Variants in TNNT3 observed in about 807,000 individuals in gnomAD.
TNNT3 encodes troponin T3, fast skeletal type, also known as troponin T, fast skeletal muscle.
A neutral mutation model predicts 54.2 loss-of-function variants in TNNT3; 36 were observed. The ratio of observed to expected loss-of-function variants is 0.66; its 90% CI spans 0.51 to 0.88. The LOEUF is 0.88. TNNT3 is among the 40% of genes least tolerant of loss of function. The pLI, the probability that TNNT3 is intolerant of heterozygous loss-of-function variation, is 0.00. For missense variants in TNNT3, 291 were observed against 331.6 expected (o/e 0.88, Z 0.95); for synonymous variants, 120 against 109.7 (o/e 1.09, Z -0.59).
chr11:1,938,698 C>A lies in TNNT3; in HGVS notation c.*206C>A, dbSNP rs1291438204. 1.5e-6 allele frequency: 1 copy of A among 679,504 alleles called. No individual in the cohort carries two copies. Among genetic ancestry groups the A allele is most frequent in the Admixed American group, 2.1e-5 (1 of 48,702 alleles). The allele number at this position is 679,504 out of a possible 1,614,324, so 42.1% of individuals were successfully genotyped here. ...GGGGCCTGTGAATAAAGCTGCAGAA[C>A]CCCCTTCACAGTCTGTACTTGCTTC... is the stretch of plus-strand genomic sequence containing the variant. On this transcript the variant is annotated 3_prime_UTR_variant, in exon 16 of 16. Coordinates refer to ENST00000278317, the MANE Select transcript of TNNT3 (RefSeq NM_006757.4).
In TNNT3 at chr11:1,936,070, C is replaced by T. The variant is rs140358737; in HGVS notation, c.682-893C>T. 5.5e-4 allele frequency: 461 copies of T among 844,658 alleles called. 3 individuals are homozygous for T. In the African/African-American group the frequency reaches 6.5e-3, roughly 12 times the overall value. The allele number at this position is 844,658 out of a possible 1,614,324, so 52.3% of individuals were successfully genotyped here. Reference sequence around the variant, plus strand: ...GTGTTCCCAGAGCTGAATCAGGGACCCACTGGCTTTGGATAGATGCGGCCA... The same window carrying T: ...GTGTTCCCAGAGCTGAATCAGGGACTCACTGGCTTTGGATAGATGCGGCCA... On this transcript the variant is annotated intron_variant, in intron 14 of 15. Coordinates refer to ENST00000278317, the MANE Select transcript of TNNT3 (RefSeq NM_006757.4).
At chr11:1,926,748 G>A (rs756410221) in intron 6 of TNNT3, 39 bp downstream of exon 6, 20 of 1,612,508 alleles carry the variant, frequency 1.2e-5, no homozygotes, top group Admixed American at 1.7e-5. Context: ...CAGAGTCTCC[G>A]TCCTCCCTTC....
intron 5 of TNNT3, 102 bp downstream of exon 5, chr11:1,925,218 C>T (rs1355148310): frequency 6.2e-7 from 1 of 1,607,492 alleles, no homozygotes; most frequent in South Asian, 1.1e-5. Context: ...CTGTGTGCCC[C>T]TGTCTAACCC....
Position 1,926,071 on chromosome 11 carries a change from TACA to T in TNNT3, c.68-621_68-619del, listed in dbSNP as rs559051991. 1.3e-3 allele frequency among the ~76,000 whole-genome samples: 194 copies of T among 152,210 alleles called. 1 individual carries two copies. The highest frequency in any genetic ancestry group is 4.4e-3 in the African/African-American group (181 of 41,536). ...GGCCCTTGGTGCCACCCGGCCAGGC[TACA>T]ACCTCGCACGTGGGCCTTGGTGCCC... On this transcript the variant is annotated intron_variant, in intron 5 of 15. Transcript: ENST00000278317.
At chr11:1,924,280 G>A (rs1172064629) in intron 4 of TNNT3, among the ~76,000 whole-genome samples, 1 of 152,190 alleles carries the variant, frequency 6.6e-6, no homozygotes, top group Non-Finnish European at 1.5e-5. Flanking sequence ...GTGCTGGCCA[G>A]GTGTGGTCTG....
intron 4 of TNNT3, chr11:1,924,824 AGGAGGGTG>A (rs1851062838): frequency 5.0e-6 from 3 of 597,228 alleles, no homozygotes; most frequent in Non-Finnish European, 9.0e-6. Flanking sequence ...CCAGGCCCCC[AGGAGGGTG>A]GGAGGGGCCT....
chr11:1,919,730 G>A lies in TNNT3; in HGVS notation c.-51G>A, dbSNP rs1051256122. The A allele has an allele frequency of 1.3e-5, 2 of 152,254 alleles. No homozygotes were observed. The highest frequency in any genetic ancestry group is 2.9e-5 in the Non-Finnish European group (2 of 68,094). 9.4% of individuals were successfully genotyped at this position (152,254 alleles called of 1,614,324 possible). On this transcript the variant is annotated 5_prime_UTR_variant, in exon 1 of 16. Coordinates refer to ENST00000278317, the MANE Select transcript of TNNT3 (RefSeq NM_006757.4). Reference sequence around the variant, plus strand: ...TGCCTGCAGCCGGTGCTGTCCACAGGGAGCTCCAGCCCTTCTCACACTCGA... The same window carrying A: ...TGCCTGCAGCCGGTGCTGTCCACAGAGAGCTCCAGCCCTTCTCACACTCGA...
intron 15 of TNNT3, among the ~76,000 whole-genome samples, chr11:1,937,731 G>A (rs562723821): frequency 2.0e-5 from 3 of 152,206 alleles, no homozygotes; most frequent in Non-Finnish European, 4.4e-5. Context: ...CGGCGCCCAG[G>A]GCGGGCTCCT....
intron 6 of TNNT3, chr11:1,927,788 G>C (rs1852042156): frequency 6.6e-6 from 1 of 152,508 alleles, no homozygotes; most frequent in Non-Finnish European, 1.5e-5. Context: ...CCACCCGGAG[G>C]GGCTCCTCAG....
chr11:1,934,282 G>A (rs1408998431), intron 11 of TNNT3, 50 bp from the exon 12 acceptor site: 5 of 1,555,114 alleles, frequency 3.2e-6, no homozygotes, highest in South Asian at 1.1e-5. Context: ...TGCCCAGAAA[G>A]CATAGCCCTC....
intron 4 of TNNT3, 120 bp downstream of exon 4, chr11:1,923,692 A>G: frequency 9.7e-6 from 7 of 719,534 alleles, no homozygotes; most frequent in South Asian, 8.6e-5. Flanking sequence ...GAGCTTGTCA[A>G]TCAACCTTCC....
intron 1 of TNNT3, chr11:1,922,632 G>C: frequency 6.7e-6 from 4 of 601,042 alleles, no homozygotes; most frequent in Non-Finnish European, 1.2e-5. Context: ...AGGGCAGGAA[G>C]AGGGGACAGA....
intron 5 of TNNT3, chr11:1,926,349 G>T: frequency 8.1e-7 from 1 of 1,240,188 alleles, no homozygotes; most frequent in Non-Finnish European, 1.2e-6. Flanking sequence ...CTCGCTCCCC[G>T]CACGCACCCC....
chr11:1,924,223 C>G (rs533925027), intron 4 of TNNT3, among the ~76,000 whole-genome samples: 84 of 152,312 alleles, frequency 5.5e-4, no homozygotes, highest in African/African-American at 2.0e-3. Context: ...CATGCCACCC[C>G]CCAACCCTGT....
intron 3 of TNNT3, 121 bp downstream of exon 3, chr11:1,923,182 A>C: frequency 7.1e-7 from 1 of 1,406,184 alleles, no homozygotes; most frequent in Non-Finnish European, 1.0e-6. Context: ...GCTGCATCCC[A>C]TGGGTGGCTT....
intron 14 of TNNT3, 56 bp downstream of exon 14, chr11:1,934,975 G>A (rs1240067780): frequency 3.2e-6 from 5 of 1,538,954 alleles, no homozygotes; most frequent in African/African-American, 1.4e-5. Context: ...CACCAGCAGA[G>A]CAGCCATCTC....
chr11:1,934,671 TGTG>T lies in TNNT3; in HGVS notation c.590+18_590+20del, dbSNP rs760147855. 5 of 1,608,252 alleles carry T rather than the reference TGTG, an allele frequency of 3.1e-6. No individual in the cohort carries two copies. Among genetic ancestry groups the T allele is most frequent in the East Asian group, 2.2e-5 (1 of 44,678 alleles). On this transcript the variant is annotated intron_variant, in intron 13 of 15. Transcript: ENST00000278317. ...ACAAACTGAGGTGAGGGGTGGGTGT[TGTG>T]GGGCTCAGCCCCACGGGGTGGCCCC...
intron 3 of TNNT3, 123 bp from the exon 4 acceptor site, chr11:1,923,432 C>A: frequency 9.2e-7 from 1 of 1,083,744 alleles, no homozygotes; most frequent in Non-Finnish European, 1.4e-6. Flanking sequence ...TGATTCCACG[C>A]TCTTGGGCAG....
chr11:1,930,669 T>A (rs1314232618), intron 8 of TNNT3, among the ~76,000 whole-genome samples: 2 of 152,220 alleles, frequency 1.3e-5, no homozygotes, highest in Admixed American at 1.3e-4. Context: ...TGACACACAC[T>A]CACTGTTGGC....
Sources: gnomAD v4.1 joint callset for allele counts (sites outside exome capture counted in the v4.1 genomes callset) on GRCh38, gnomAD v4.1.1 for gene constraint, MANE v1.5 for transcripts, NCBI Gene and HGNC (gene_info 2026-07-23, HGNC 2026-07-21) for gene names.